Variants in CFAP20DC observed in about 807,000 individuals in gnomAD.
The protein encoded by CFAP20DC is protein CFAP20DC.
Under a neutral mutation model 101.7 loss-of-function variants are expected in CFAP20DC, and 84 were observed. The observed-to-expected ratio is 0.83, with a 90% confidence interval of 0.69 to 0.99. The LOEUF is 0.99. CFAP20DC is among the 50% of genes least tolerant of loss of function. The pLI, the probability that CFAP20DC is intolerant of heterozygous loss-of-function variation, is 0.00. For missense variants in CFAP20DC, 1,007 were observed against 970.3 expected (o/e 1.04, Z -0.50); for synonymous variants, 359 against 351.2 (o/e 1.02, Z -0.25).
At position 58,792,263 on chromosome 3, in the gene CFAP20DC, C is replaced by T. The variant is rs574361010; in HGVS notation, c.2237+14132G>A. ...TCATGTCTGGGATTCAAGCCCTGGA[C>T]ATGCCAAAGTAGTATATTTATTTGC... is the stretch of plus-strand genomic sequence containing the variant. On this transcript the variant is annotated intron_variant, in intron 15 of 16. Transcript: ENST00000482387. 3.3e-5 allele frequency among the ~76,000 whole-genome samples: 5 copies of T among 152,202 alleles called. No homozygotes were observed. In the East Asian group the frequency reaches 9.7e-4, roughly 29 times the overall value.
rs562255738 is a variant in CFAP20DC at position 58,795,415 on chromosome 3, C to T, written c.2237+10980G>A. ...CCTTTGGGAGGCCAAGGTGGAGGGA[C>T]GGTTGCTTGAGCCCAGGAGTACGAG... On this transcript the variant is annotated intron_variant, in intron 15 of 16. Transcript: ENST00000482387. The surrounding 1 kb of genome is among the most constrained non-coding windows in gnomAD (Gnocchi z 4.2). Among the ~76,000 whole-genome samples the T allele has an allele frequency of 7.9e-5, 12 of 152,156 alleles. No individual in the cohort carries two copies. The highest frequency in any genetic ancestry group is 1.4e-4 in the African/African-American group (6 of 41,512).
chr3:58,901,586 A>G (rs191886467), intron 6 of CFAP20DC, among the ~76,000 whole-genome samples: 1 of 152,352 alleles, frequency 6.6e-6, no homozygotes, highest in East Asian at 1.9e-4. Context: ...GTAAGTGTTT[A>G]TGTAAATTAT....
chr3:58,799,968 T>C lies in CFAP20DC; in HGVS notation c.2237+6427A>G, dbSNP rs1559606159. 6.6e-6 allele frequency among the ~76,000 whole-genome samples: 1 copy of C among 152,112 alleles called. No individual in the cohort carries two copies. Among genetic ancestry groups the C allele is most frequent in the Non-Finnish European group, 1.5e-5 (1 of 68,024 alleles). ...AGCAACCTTGGTTAAGAGAACTCCA[T>C]CCAGGCAGCACTCCTAAGTGGGGAC... On this transcript the variant is annotated intron_variant, in intron 15 of 16. Transcript: ENST00000482387. This position sits in a 1 kb window ranked among gnomAD's most constrained non-coding sequence, Gnocchi z 4.9.
chr3:58,817,976 A>T (rs62252031), intron 14 of CFAP20DC, among the ~76,000 whole-genome samples: 1 of 149,428 alleles, frequency 6.7e-6, no homozygotes, highest in East Asian at 2.0e-4. Flanking sequence ...AGAGAGTGGG[A>T]GCCAATATTC....
In CFAP20DC at chr3:59,039,584, A is replaced by C. The variant is rs1057025697; in HGVS notation, c.251T>G (p.Leu84Arg). Reference protein sequence around the residue: ...RFLVLQIYVPLGQDFSTELLI... With the variant: ...RFLVLQIYVPRGQDFSTELLI... Reference sequence around the variant, plus strand: ...CAATTCAGTGGAGAAGTCTTGTCCCAGGGGTACGTAAATCTGAAGTACAAG... The same window carrying C: ...CAATTCAGTGGAGAAGTCTTGTCCCCGGGGTACGTAAATCTGAAGTACAAG... Residue 84 changes from leucine (L) to arginine (R), a missense_variant, in exon 4 of 17, where the codon CTG (leucine) becomes CGG (arginine). By Grantham distance (102) the Leu-to-Arg change is moderately radical. Coordinates refer to ENST00000482387, the MANE Select transcript of CFAP20DC (RefSeq NM_001394063.1). The C allele has an allele frequency of 3.3e-6, 5 of 1,527,394 alleles. No homozygotes were observed. In the South Asian group the frequency reaches 6.0e-5, roughly 18 times the overall value. 94.6% of individuals were successfully genotyped at this position (1,527,394 alleles called of 1,614,324 possible). A position where few individuals can be genotyped will look rare whatever the true frequency, so the allele number is the denominator to read the frequency against.
chr3:58,889,180 G>A (rs1011175563), intron 6 of CFAP20DC, among the ~76,000 whole-genome samples: 1 of 152,078 alleles, frequency 6.6e-6, no homozygotes, highest in African/African-American at 2.4e-5. Flanking sequence ...ATTCAGGCTA[G>A]CCACATTTCA....
At chr3:59,022,207 C>T (rs1024328256) in intron 4 of CFAP20DC, among the ~76,000 whole-genome samples, 7 of 151,816 alleles carry the variant, frequency 4.6e-5, no homozygotes, top group African/African-American at 1.5e-4. Context: ...CACCTTTTTG[C>T]AACTCAAGCA....
intron 15 of CFAP20DC, among the ~76,000 whole-genome samples, chr3:58,764,281 C>G (rs1009527911): frequency 6.6e-5 from 10 of 152,182 alleles, no homozygotes; most frequent in African/African-American, 2.4e-4. Context: ...AGTTTGATCT[C>G]AGACTGCTGT....
rs2107084774 is a variant in CFAP20DC at position 58,732,509 on chromosome 3, G to A, written c.198-14881C>T. Among the ~76,000 whole-genome samples, 1 of 152,254 alleles carries A rather than the reference G, an allele frequency of 6.6e-6. No individual in the cohort carries two copies. Among genetic ancestry groups the A allele is most frequent in the African/African-American group, 2.4e-5 (1 of 41,542 alleles). ...CACGTGGATGAAATTATAACTTTCA[G>A]AAAGCATTATAATAAATTTATAGTG... On this transcript the variant is annotated intron_variant, in intron 3 of 3. Transcript: ENST00000486145. This position sits in a 1 kb window ranked among gnomAD's most constrained non-coding sequence, Gnocchi z 5.4.
chr3:58,908,293 T>C (rs76065793), intron 6 of CFAP20DC, among the ~76,000 whole-genome samples: 232 of 152,312 alleles, frequency 1.5e-3, no homozygotes, highest in African/African-American at 5.1e-3. Flanking sequence ...TTTTGGATAA[T>C]ATCTCTGACT....
intron 14 of CFAP20DC, among the ~76,000 whole-genome samples, chr3:58,815,186 C>T (rs2075012369): frequency 6.6e-6 from 1 of 151,622 alleles, no homozygotes; most frequent in Non-Finnish European, 1.5e-5. Context: ...CAGAACACAG[C>T]CCTCAGAAAT....
intron 4 of CFAP20DC, among the ~76,000 whole-genome samples, chr3:58,968,164 A>G (rs976905535): frequency 6.6e-6 from 1 of 152,198 alleles, no homozygotes; most frequent in Non-Finnish European, 1.5e-5. Flanking sequence ...TAGTGCTGCC[A>G]TGAACATTCA....
At chr3:58,784,529 A>C (rs2072144122) in intron 15 of CFAP20DC, among the ~76,000 whole-genome samples, 1 of 152,118 alleles carries the variant, frequency 6.6e-6, no homozygotes, top group Non-Finnish European at 1.5e-5. Flanking sequence ...TAAAAGCCAT[A>C]GGTAGGAATG....
intron 4 of CFAP20DC, among the ~76,000 whole-genome samples, chr3:59,036,589 G>T (rs554684594): frequency 1.3e-5 from 2 of 152,224 alleles, no homozygotes; most frequent in Admixed American, 6.5e-5. Flanking sequence ...ACTTACAAGG[G>T]ATGTGAAGGA....
chr3:58,800,934 T>TATACC (rs1158335268), intron 15 of CFAP20DC, among the ~76,000 whole-genome samples: 1 of 150,200 alleles, frequency 6.7e-6, no homozygotes, highest in Admixed American at 6.7e-5. Flanking sequence ...TGTCCAGGTG[T>TATACC]ATACCTACTC....
chr3:58,979,541 G>A (rs1247567432), intron 4 of CFAP20DC, among the ~76,000 whole-genome samples: 1 of 152,198 alleles, frequency 6.6e-6, no homozygotes, highest in African/African-American at 2.4e-5. Flanking sequence ...ATGGCTGTCA[G>A]TATGACAAGA....
intron 4 of CFAP20DC, among the ~76,000 whole-genome samples, chr3:58,946,809 T>C (rs1056043736): frequency 4.6e-5 from 7 of 151,958 alleles, no homozygotes; most frequent in Non-Finnish European, 1.0e-4. Flanking sequence ...AGGGGAGAAA[T>C]CAAGGATATA....
At chr3:58,970,965 A>G (rs1034562329) in intron 4 of CFAP20DC, among the ~76,000 whole-genome samples, 8 of 152,162 alleles carry the variant, frequency 5.3e-5, no homozygotes, top group African/African-American at 1.9e-4. Context: ...AAAAATAACC[A>G]TCTCTAGCAT....
chr3:58,901,404 T>C (rs995722126), intron 6 of CFAP20DC, among the ~76,000 whole-genome samples: 3 of 152,224 alleles, frequency 2.0e-5, no homozygotes, highest in African/African-American at 7.2e-5. Flanking sequence ...CTGTGTGACC[T>C]TGGCACAACA....
Sources: gnomAD v4.1 joint callset for allele counts (sites outside exome capture counted in the v4.1 genomes callset) on GRCh38, gnomAD v4.1.1 for gene constraint, Gnocchi (gnomAD v3.1) non-coding constraint, MANE v1.5 for transcripts, NCBI Gene and HGNC (gene_info 2026-07-23, HGNC 2026-07-21) for gene names.